Variants in CACNA1C observed in about 807,000 individuals in gnomAD.
The protein encoded by CACNA1C is voltage-dependent L-type calcium channel subunit alpha-1C.
CACNA1C carries 30 observed loss-of-function variants against 229.0 expected under a neutral mutation model. The ratio of observed to expected loss-of-function variants is 0.13; its 90% CI spans 0.10 to 0.18. CACNA1C has a LOEUF of 0.18. Ranked by LOEUF, CACNA1C falls within the 10% of genes least tolerant of loss-of-function variation. The pLI is 1.00. For synonymous variants in CACNA1C, 1,114 were observed against 1,132.5 expected (o/e 0.98, Z 0.33); for missense variants, 1,658 against 2,845.0 (o/e 0.58, Z 9.49).
chr12:2,457,440 A>G lies in CACNA1C; in HGVS notation c.618-127A>G, dbSNP rs1318718587. 3.1e-6 allele frequency: 3 copies of G among 953,262 alleles called. No individual in the cohort carries two copies. The African/African-American group carries it at 5.0e-5, about 16-fold the overall frequency. The allele number at this position is 953,262 out of a possible 1,614,324, so 59.1% of individuals were successfully genotyped here. On this transcript the variant is annotated intron_variant, in intron 4 of 46. Coordinates refer to ENST00000399655, the MANE Select transcript of CACNA1C (RefSeq NM_000719.7). ...ACCCACAGACTCCACGCACACCCACAACGCCCGCCCCTGGGCTGGAGACGC... is the reference window on the plus strand; with the variant it reads ...ACCCACAGACTCCACGCACACCCACGACGCCCGCCCCTGGGCTGGAGACGC...
chr12:2,124,368 G>A (rs531979827), intron 3 of CACNA1C, among the ~76,000 whole-genome samples: 1 of 152,260 alleles, frequency 6.6e-6, no homozygotes, highest in South Asian at 2.1e-4. Context: ...GATGCCATAA[G>A]AGATACTTCA....
intron 1 of CACNA1C, among the ~76,000 whole-genome samples, chr12:2,083,280 A>G (rs886500089): frequency 6.6e-6 from 1 of 152,210 alleles, no homozygotes; most frequent in Non-Finnish European, 1.5e-5. Context: ...CTTGCTGCTG[A>G]TGGAAGCCAT....
chr12:2,210,595 A>G (rs1370696884), intron 3 of CACNA1C, among the ~76,000 whole-genome samples: 2 of 152,238 alleles, frequency 1.3e-5, no homozygotes, highest in African/African-American at 2.4e-5. Flanking sequence ...TTGTGCTGAC[A>G]CTGACATTTT....
intron 1 of CACNA1C, among the ~76,000 whole-genome samples, chr12:2,039,216 G>A (rs1276050632): frequency 2.0e-5 from 3 of 152,132 alleles, no homozygotes; most frequent in Non-Finnish European, 2.9e-5. Context: ...AATGATGAGA[G>A]GACAAGTGTA....
chr12:2,677,084 T>C lies in CACNA1C; in HGVS notation c.4829-10T>C. The C allele has an allele frequency of 6.2e-7, 1 of 1,607,450 alleles. No homozygotes were observed. Among genetic ancestry groups the C allele is most frequent in the Non-Finnish European group, 8.5e-7 (1 of 1,175,852 alleles). ...CCTCTTACCCCCTCTCCCCTCTCCATACGTCTCAGATGATGAGGTCACCGT... is the reference window on the plus strand; with the variant it reads ...CCTCTTACCCCCTCTCCCCTCTCCACACGTCTCAGATGATGAGGTCACCGT... On this transcript the variant is annotated splice_polypyrimidine_tract_variant and intron_variant, in intron 39 of 46. Coordinates refer to ENST00000399655, the MANE Select transcript of CACNA1C (RefSeq NM_000719.7). The surrounding 1 kb of genome is among the most constrained non-coding windows in gnomAD (Gnocchi z 7.4).
At chr12:2,557,634 C>G (rs541867379) in intron 11 of CACNA1C, among the ~76,000 whole-genome samples, 1 of 152,360 alleles carries the variant, frequency 6.6e-6, no homozygotes, top group East Asian at 1.9e-4. Flanking sequence ...CACTTCTGTT[C>G]AGACCCTCAG....
chr12:2,088,912 G>A (rs1186902927), intron 1 of CACNA1C, among the ~76,000 whole-genome samples: 1 of 152,170 alleles, frequency 6.6e-6, no homozygotes, highest in Non-Finnish European at 1.5e-5. Context: ...GGCGGGCTGG[G>A]CACTTGCTTG....
At chr12:2,656,442 A>G (rs1603383265) in intron 34 of CACNA1C, among the ~76,000 whole-genome samples, 1 of 152,342 alleles carries the variant, frequency 6.6e-6, no homozygotes, top group Non-Finnish European at 1.5e-5. Flanking sequence ...GACACAAATA[A>G]ATGGAAAGAT....
intron 15 of CACNA1C, among the ~76,000 whole-genome samples, chr12:2,583,855 T>C (rs577824326): frequency 6.6e-6 from 1 of 152,290 alleles, no homozygotes; most frequent in South Asian, 2.1e-4. Context: ...TGAAATGATA[T>C]GAATGTCTGG....
intron 1 of CACNA1C, among the ~76,000 whole-genome samples, chr12:2,102,759 G>C (rs958068262): frequency 6.6e-6 from 1 of 152,092 alleles, no homozygotes; most frequent in African/African-American, 2.4e-5. Context: ...AAAGGCCCTG[G>C]TGTATGATGT....
chr12:2,010,122 G>A (rs907652536), intron 1 of CACNA1C, among the ~76,000 whole-genome samples: 1 of 152,132 alleles, frequency 6.6e-6, no homozygotes, highest in African/African-American at 2.4e-5. Flanking sequence ...TACCCAATTA[G>A]TGTTCAAATC....
intron 8 of CACNA1C, among the ~76,000 whole-genome samples, chr12:2,508,526 A>T (rs1403454526): frequency 6.6e-6 from 1 of 152,206 alleles, no homozygotes; most frequent in African/African-American, 2.4e-5. Flanking sequence ...TGGTGGCAGC[A>T]CCTATAGTCC....
At chr12:2,560,102 G>A (rs1053413919) in intron 11 of CACNA1C, among the ~76,000 whole-genome samples, 2 of 152,182 alleles carry the variant, frequency 1.3e-5, no homozygotes, top group Non-Finnish European at 2.9e-5. Context: ...CATGTTGCTA[G>A]CGGCTGCCAC....
rs576681029 is a variant in CACNA1C, at chr12:2,162,237, A to G, written c.477+41807A>G. Among the ~76,000 whole-genome samples, 4 of 151,996 alleles carry G rather than the reference A, an allele frequency of 2.6e-5. No homozygotes were observed. The South Asian group carries it at 6.3e-4, about 24-fold the overall frequency. On this transcript the variant is annotated intron_variant, in intron 3 of 46. Coordinates refer to ENST00000399655, the MANE Select transcript of CACNA1C (RefSeq NM_000719.7). ...GGTTGTCCCTTTCTTAATGAGCTCC[A>G]CAAGCACCTGACCACCACCCCCTCC...
intron 3 of CACNA1C, among the ~76,000 whole-genome samples, chr12:2,161,863 T>C (rs1002101256): frequency 6.6e-6 from 1 of 152,160 alleles, no homozygotes; most frequent in Non-Finnish European, 1.5e-5. Flanking sequence ...GGGATCTTTG[T>C]GTTTTGTTTT....
At chr12:2,315,953 AG>A (rs1228291390) in intron 3 of CACNA1C, among the ~76,000 whole-genome samples, 1 of 152,250 alleles carries the variant, frequency 6.6e-6, no homozygotes, top group Non-Finnish European at 1.5e-5. Context: ...GAACAACAAC[AG>A]AAAGGAACTG....
intron 1 of CACNA1C, among the ~76,000 whole-genome samples, chr12:2,031,394 C>T (rs187529936): frequency 8.7e-4 from 133 of 152,346 alleles, no homozygotes; most frequent in Non-Finnish European, 1.7e-3. Context: ...CATTGGCACA[C>T]AAGTGGCAGC....
chr12:2,351,720 G>T (rs2097206872), intron 3 of CACNA1C, among the ~76,000 whole-genome samples: 1 of 152,210 alleles, frequency 6.6e-6, no homozygotes, highest in Non-Finnish European at 1.5e-5. Flanking sequence ...AAACAGCATT[G>T]CACGCCTGTG....
intron 7 of CACNA1C, among the ~76,000 whole-genome samples, chr12:2,502,393 A>G (rs1023656252): frequency 3.9e-5 from 6 of 152,236 alleles, no homozygotes; most frequent in African/African-American, 7.2e-5. Flanking sequence ...TGGAAGACAA[A>G]CAGCAAATAA....
Sources: gnomAD v4.1 joint callset for allele counts (sites outside exome capture counted in the v4.1 genomes callset) on GRCh38, gnomAD v4.1.1 for gene constraint, Gnocchi (gnomAD v3.1) non-coding constraint, MANE v1.5 for transcripts, NCBI Gene and HGNC (gene_info 2026-07-23, HGNC 2026-07-21) for gene names.